CLTB: variants seen among roughly 807,000 people sequenced by gnomAD.
The protein encoded by CLTB is clathrin light chain B, also known as clathrin, light chain (Lcb).
CLTB carries 10 observed loss-of-function variants against 30.5 expected under a neutral mutation model. The observed-to-expected ratio is 0.33, with a 90% confidence interval of 0.20 to 0.56. The LOEUF is 0.56. CLTB is among the 20% of genes least tolerant of loss of function. The pLI is 0.91. For missense variants in CLTB, 261 were observed against 308.3 expected, an observed-to-expected ratio of 0.85 and a Z score of 1.15; for synonymous variants, 102 against 120.3, an observed-to-expected ratio of 0.85 and a Z score of 1.00.
chr5:176,409,293 G>GA (rs34356476), intron 2 of CLTB, among the ~76,000 whole-genome samples: 13,490 of 102,884 alleles, frequency 0.13, 908 homozygotes, highest in East Asian at 0.26. Flanking sequence ...TTTTAAAATT[G>GA]AAAAAAAAAA....
At chr5:176,395,473 T>C (rs1363891744) in intron 5 of CLTB, among the ~76,000 whole-genome samples, 1 of 152,230 alleles carries the variant, frequency 6.6e-6, no homozygotes, top group African/African-American at 2.4e-5. Flanking sequence ...TCTGGTGTGC[T>C]CTGTGCCCTG....
At chr5:176,411,951 C>A (rs779594109) in intron 1 of CLTB, among the ~76,000 whole-genome samples, 2 of 151,848 alleles carry the variant, frequency 1.3e-5, no homozygotes, top group African/African-American at 4.8e-5. Context: ...CTGAGGTGGG[C>A]AGATCACGAA....
intron 1 of CLTB, among the ~76,000 whole-genome samples, chr5:176,415,190 T>G (rs116382750): frequency 0.012 from 1,861 of 152,332 alleles, 41 homozygotes; most frequent in African/African-American, 0.042. Context: ...CACTGAGGTC[T>G]GAAGCCAATC....
intron 5 of CLTB, among the ~76,000 whole-genome samples, chr5:176,394,968 G>A (rs142611499): frequency 6.6e-6 from 1 of 152,090 alleles, no homozygotes; most frequent in Non-Finnish European, 1.5e-5. Context: ...CCCATCCCTT[G>A]CTGGAAGCCT....
intron 2 of CLTB, among the ~76,000 whole-genome samples, chr5:176,407,132 C>T (rs1426195024): frequency 6.6e-6 from 1 of 152,192 alleles, no homozygotes; most frequent in Non-Finnish European, 1.5e-5. Flanking sequence ...CTCAGATTCA[C>T]CCACAGCTCA....
chr5:176,408,179 G>A (rs938341753), intron 2 of CLTB, among the ~76,000 whole-genome samples: 2 of 151,986 alleles, frequency 1.3e-5, no homozygotes, highest in African/African-American at 2.4e-5. Flanking sequence ...TTAGGTGGGT[G>A]CGGACAGAAG....
At chr5:176,408,539 GAA>G (rs746561617) in intron 2 of CLTB, among the ~76,000 whole-genome samples, 6 of 118,542 alleles carry the variant, frequency 5.1e-5, no homozygotes, top group Admixed American at 1.8e-4. Flanking sequence ...TCCATCTCAG[GAA>G]AAAAAAAAAA....
At chr5:176,399,042 C>G (rs1266026106) in intron 2 of CLTB, among the ~76,000 whole-genome samples, 5 of 152,030 alleles carry the variant, frequency 3.3e-5, no homozygotes, top group Non-Finnish European at 7.4e-5. Flanking sequence ...CGGGGTTTCT[C>G]CATGTTGGTC....
intron 1 of CLTB, among the ~76,000 whole-genome samples, chr5:176,412,130 C>T (rs1006473460): frequency 6.7e-6 from 1 of 149,744 alleles, no homozygotes; most frequent in African/African-American, 2.5e-5. Flanking sequence ...GAGCCGAGAT[C>T]CCGCCACTGC....
chr5:176,392,612 A>T lies in CLTB; in HGVS notation c.*162T>A. ...TGGACCAGAGGGCCAGGAGGGAGCG[A>T]GGCGTGATGGGGTGAGGGCCCCCCT... On this transcript the variant is annotated 3_prime_UTR_variant, in exon 6 of 6. Coordinates refer to ENST00000310418, the MANE Select transcript of CLTB (RefSeq NM_007097.5). This position sits in a 1 kb window ranked among gnomAD's most constrained non-coding sequence, Gnocchi z 5.2. The T allele has an allele frequency of 1.4e-6, 1 of 708,516 alleles. No homozygotes were observed. Among genetic ancestry groups the T allele is most frequent in the Non-Finnish European group, 2.3e-6 (1 of 427,034 alleles). 43.9% of individuals were successfully genotyped at this position (708,516 alleles called of 1,614,324 possible).
Position 176,416,314 on chromosome 5 carries a change from T to G in CLTB, c.50A>C (p.Glu17Ala), listed in dbSNP as rs780564081. The G allele has an allele frequency of 3.7e-6, 6 of 1,603,462 alleles. No homozygotes were observed. In the South Asian group the frequency reaches 6.6e-5, roughly 18 times the overall value. Residue 17 changes from glutamate to alanine, a missense_variant, in exon 1 of 6, where the codon GAG (glutamate) becomes GCG (alanine). By Grantham distance (107) the Glu-to-Ala change is moderately radical. Transcript: ENST00000310418. ...FFSSSESGAPEAAEEDPAAAF... is the reference protein window; with the variant it reads ...FFSSSESGAPAAAEEDPAAAF... The stretch of plus-strand genomic sequence containing the variant: ...GGCCGCCGGGTCCTCCTCCGCCGCC[T>G]CCGGGGCACCGCTCTCCGACGACGA...
rs1422187926 is a variant in CLTB, at chr5:176,393,284, T to C, written c.519-339A>G. 6.6e-6 allele frequency among the ~76,000 whole-genome samples: 1 copy of C among 152,088 alleles called. No homozygotes were observed. Among genetic ancestry groups the C allele is most frequent in the Non-Finnish European group, 1.5e-5 (1 of 67,994 alleles). On this transcript the variant is annotated intron_variant, in intron 5 of 5. Transcript: ENST00000310418. This position sits in a 1 kb window ranked among gnomAD's most constrained non-coding sequence, Gnocchi z 4.4. ...CTGTTCATTACTTCCCCATCGGGAGTTCCCAACCTGAGGTTCCTGACACCT... is the reference window on the plus strand; with the variant it reads ...CTGTTCATTACTTCCCCATCGGGAGCTCCCAACCTGAGGTTCCTGACACCT...
chr5:176,410,440 G>T, intron 1 of CLTB, 137 bp from the exon 2 acceptor site: 1 of 649,396 alleles, frequency 1.5e-6, no homozygotes, highest in Non-Finnish European at 2.7e-6. Context: ...AGACATAATG[G>T]ATATATATAT....
At chr5:176,410,210 A>C in intron 2 of CLTB, 47 bp downstream of exon 2, 1 of 1,553,322 alleles carries the variant, frequency 6.4e-7, no homozygotes, top group Non-Finnish European at 8.9e-7. Flanking sequence ...GGTTACTGAG[A>C]CCAGGGCTGT....
intron 5 of CLTB, among the ~76,000 whole-genome samples, chr5:176,395,515 G>A (rs1319070714): frequency 6.6e-6 from 1 of 152,210 alleles, no homozygotes; most frequent in East Asian, 1.9e-4. Context: ...CACATGACGG[G>A]CTGCCAGGGC....
At chr5:176,405,160 T>A (rs2113660970) in intron 2 of CLTB, among the ~76,000 whole-genome samples, 1 of 152,184 alleles carries the variant, frequency 6.6e-6, no homozygotes, top group South Asian at 2.1e-4. Context: ...TGGGCTCCCA[T>A]TCACTTCTTT....
At position 176,398,046 on chromosome 5, in the gene CLTB, T is replaced by C. The variant is rs1327717509; in HGVS notation, c.236A>G (p.Glu79Gly). Residue 79 changes from glutamate to glycine, a missense_variant and splice_region_variant, in exon 3 of 6, where the codon GAG becomes GGG. Transcript: ENST00000310418. ...GTTVNGDVFQ[E>G]ANGPADGYAA... ...GTAGCCATCAGCAGGACCGTTGGCC[T>C]CCTAGAACACAAACACGCAGCAGTC... The C allele has an allele frequency of 6.2e-7, 1 of 1,613,572 alleles. No homozygotes were observed. Among genetic ancestry groups the C allele is most frequent in the South Asian group, 1.1e-5 (1 of 91,082 alleles).
chr5:176,406,221 C>T lies in CLTB; in HGVS notation c.234+4036G>A, dbSNP rs553233373. On this transcript the variant is annotated intron_variant, in intron 2 of 5. Coordinates refer to ENST00000310418, the MANE Select transcript of CLTB (RefSeq NM_007097.5). The stretch of plus-strand genomic sequence containing the variant: ...GTTGGCAACCAGGAGAGATCACCAG[C>T]GGCTAGAGCAATGTTCTGACTCCTC... 57 of 1,001,860 alleles carry T rather than the reference C, an allele frequency of 5.7e-5. No individual in the cohort carries two copies. In the African/African-American group the frequency reaches 7.6e-4, roughly 13 times the overall value. 62.1% of individuals were successfully genotyped at this position (1,001,860 alleles called of 1,614,324 possible).
At chr5:176,397,194 A>G (rs922366600) in intron 4 of CLTB, among the ~76,000 whole-genome samples, 6 of 152,112 alleles carry the variant, frequency 3.9e-5, no homozygotes, top group Non-Finnish European at 5.9e-5. Flanking sequence ...TTCCCTAGAC[A>G]GAAGGGTAGC....
Sources: allele counts gnomAD v4.1 joint callset (sites outside exome capture counted in the v4.1 genomes callset), GRCh38; gene constraint gnomAD v4.1.1; non-coding constraint Gnocchi (gnomAD v3.1); transcripts MANE v1.5; gene names NCBI Gene and HGNC (gene_info 2026-07-23, HGNC 2026-07-21).